The following CSRNP3 variants were observed in gnomAD, a reference collection of about 807,000 sequenced individuals.
CSRNP3 encodes the protein cysteine/serine-rich nuclear protein 3.
Under a neutral mutation model 48.0 loss-of-function variants are expected in CSRNP3, and 12 were observed. The observed-to-expected ratio is 0.25, with a 90% CI of 0.16 to 0.41. The LOEUF (loss-of-function observed/expected upper bound fraction) is 0.41. Ranked by LOEUF, CSRNP3 falls within the 10% of genes least tolerant of loss-of-function variation. The pLI, the probability that CSRNP3 is intolerant of heterozygous loss-of-function variation, is 1.00. For missense variants in CSRNP3, 580 were observed against 724.4 expected (o/e 0.80, Z 2.29); for synonymous variants, 263 against 269.7 (o/e 0.98, Z 0.24).
At chr2:165,660,023 G>A (rs1687070080) in intron 5 of CSRNP3, among the ~76,000 whole-genome samples, 1 of 152,146 alleles carries the variant, frequency 6.6e-6, no homozygotes, top group Admixed American at 6.5e-5. Context: ...AGTTTTGTCA[G>A]TAGCAATCCT....
At chr2:165,567,817 G>A (rs1487604689) in intron 3 of CSRNP3, among the ~76,000 whole-genome samples, 1 of 151,910 alleles carries the variant, frequency 6.6e-6, no homozygotes, top group Admixed American at 6.6e-5. Flanking sequence ...TTATTTAAGG[G>A]AGGTCCTGTT....
rs1217964083 is a variant in CSRNP3, at chr2:165,665,986, G to GAA, written c.408+7967_408+7968insAA. 8.3e-4 allele frequency among the ~76,000 whole-genome samples: 34 copies of GAA among 40,818 alleles called. 2 individuals are homozygous for GAA. The highest frequency in any genetic ancestry group is 2.4e-3 in the African/African-American group (29 of 11,902). The allele number at this position is 40,818 out of a possible 152,430, so 26.8% of individuals were successfully genotyped here. On this transcript the variant is annotated intron_variant, in intron 5 of 6. Transcript: ENST00000651982. ...AAAGAGAGAGGGGAAGAAAGAAAGA[G>GAA]AGAAAGGAAGGAAGGATAGAGAGGA...
chr2:165,514,381 G>T (rs761636801), intron 2 of CSRNP3, among the ~76,000 whole-genome samples: 3 of 152,226 alleles, frequency 2.0e-5, no homozygotes, highest in Non-Finnish European at 2.9e-5. Context: ...ATGTGCCCAG[G>T]GGGGCCTGCA....
intron 3 of CSRNP3, among the ~76,000 whole-genome samples, chr2:165,522,832 A>G (rs1684681144): frequency 6.6e-6 from 1 of 152,084 alleles, no homozygotes; most frequent in African/African-American, 2.4e-5. Context: ...ACATGCAGCC[A>G]TGAACCCGAG....
chr2:165,571,006 T>C (rs1285688380), intron 3 of CSRNP3, among the ~76,000 whole-genome samples: 1 of 151,992 alleles, frequency 6.6e-6, no homozygotes, highest in African/African-American at 2.4e-5. Context: ...TTACCTATTC[T>C]GGTTTTAAAT....
intron 3 of CSRNP3, among the ~76,000 whole-genome samples, chr2:165,587,274 C>T (rs1685647941): frequency 6.6e-6 from 1 of 152,096 alleles, no homozygotes; most frequent in African/African-American, 2.4e-5. Flanking sequence ...AGTGTGGGTG[C>T]AGGGAAAGGG....
intron 2 of CSRNP3, among the ~76,000 whole-genome samples, chr2:165,511,529 A>G (rs1684505700): frequency 6.6e-6 from 1 of 152,186 alleles, no homozygotes; most frequent in Non-Finnish European, 1.5e-5. Context: ...ATGTTTCTTC[A>G]TCATAACATG....
Position 165,686,765 on chromosome 2 carries a change from G to C in CSRNP3, c.*7012G>C, listed in dbSNP as rs2105372705. The stretch of plus-strand genomic sequence containing the variant: ...TGCCATGGGTTACCATCTGAACCCT[G>C]ATTCATTAGGCACTAGTCATGCCAA... On this transcript the variant is annotated 3_prime_UTR_variant, in exon 7 of 7. Transcript: ENST00000651982. 6.6e-6 allele frequency: 1 copy of C among 152,186 alleles called. No homozygotes were observed. Among genetic ancestry groups the C allele is most frequent in the Non-Finnish European group, 1.5e-5 (1 of 67,982 alleles). The allele number at this position is 152,186 out of a possible 1,614,324, so 9.4% of individuals were successfully genotyped here. A position where few individuals can be genotyped will look rare whatever the true frequency, so the allele number is the denominator to read the frequency against.
intron 4 of CSRNP3, among the ~76,000 whole-genome samples, chr2:165,633,482 T>G (rs1188983117): frequency 6.6e-6 from 1 of 152,248 alleles, no homozygotes; most frequent in East Asian, 1.9e-4. Flanking sequence ...CAATTTCTTC[T>G]GAAAATCGCA....
chr2:165,680,102 G>A lies in CSRNP3; in HGVS notation c.*349G>A, dbSNP rs1471864531. On this transcript the variant is annotated 3_prime_UTR_variant, in exon 7 of 7. Coordinates refer to ENST00000651982, the MANE Select transcript of CSRNP3 (RefSeq NM_001172173.2). ...GGGCCTGTGCAAGATTGTTAACTAA[G>A]GCTGGGAAATAATAAGATTTAGAGT... 1 of 200,510 alleles carries A rather than the reference G, an allele frequency of 5.0e-6. No homozygotes were observed. The highest frequency in any genetic ancestry group is 1.0e-5 in the Non-Finnish European group (1 of 100,290). 12.4% of individuals were successfully genotyped at this position (200,510 alleles called of 1,614,324 possible).
chr2:165,518,830 G>A (rs1023480683), intron 3 of CSRNP3, among the ~76,000 whole-genome samples: 3 of 151,954 alleles, frequency 2.0e-5, no homozygotes, highest in Admixed American at 6.6e-5. Context: ...CTTAGCATAT[G>A]CAAAGCAATG....
chr2:165,684,672 A>G lies in CSRNP3; in HGVS notation c.*4919A>G, dbSNP rs1200328656. The G allele has an allele frequency of 1.3e-5, 2 of 152,128 alleles. No individual in the cohort carries two copies. Among genetic ancestry groups the G allele is most frequent in the Non-Finnish European group, 2.9e-5 (2 of 68,006 alleles). The allele number at this position is 152,128 out of a possible 1,614,324, so 9.4% of individuals were successfully genotyped here. A position where few individuals can be genotyped will look rare whatever the true frequency, so the allele number is the denominator to read the frequency against. On this transcript the variant is annotated 3_prime_UTR_variant, in exon 7 of 7. Transcript: ENST00000651982. ...AAAAATGCCTAAGCCAAAATGCTGT[A>G]GCTCTGCACCAACAGCACAGCTCAT...
chr2:165,501,818 C>G (rs1256031948), intron 2 of CSRNP3, among the ~76,000 whole-genome samples: 1 of 151,888 alleles, frequency 6.6e-6, no homozygotes, highest in East Asian at 1.9e-4. Context: ...TTCAACAGGT[C>G]CAGATTTATT....
intron 3 of CSRNP3, among the ~76,000 whole-genome samples, chr2:165,579,850 C>T (rs10930172): frequency 0.32 from 48,375 of 150,614 alleles, 7,975 homozygotes; most frequent in Admixed American, 0.43. Context: ...AGTAGCATAC[C>T]TAGAAGTGCT....
intron 5 of CSRNP3, 39 bp from the exon 6 acceptor site, chr2:165,676,273 C>A: frequency 6.5e-7 from 1 of 1,542,794 alleles, no homozygotes; most frequent in Non-Finnish European, 8.9e-7. Context: ...TTGTACCCTG[C>A]CCTTAATGAG....
At chr2:165,613,776 G>A (rs181066596) in intron 4 of CSRNP3, among the ~76,000 whole-genome samples, 58 of 152,260 alleles carry the variant, frequency 3.8e-4, no homozygotes, top group Middle Eastern at 3.4e-3. Flanking sequence ...TTTGATGCCA[G>A]TACCACACTA....
intron 1 of CSRNP3, among the ~76,000 whole-genome samples, chr2:165,487,882 A>G (rs937501139): frequency 1.4e-5 from 2 of 144,000 alleles, no homozygotes; most frequent in African/African-American, 5.3e-5. Context: ...AAGAAACTGC[A>G]TCAACTAATG....
chr2:165,530,084 G>A (rs1684791409), intron 3 of CSRNP3, among the ~76,000 whole-genome samples: 1 of 152,144 alleles, frequency 6.6e-6, no homozygotes, highest in Non-Finnish European at 1.5e-5. Flanking sequence ...CATTGTCATA[G>A]ACTAGAAGAT....
intron 2 of CSRNP3, among the ~76,000 whole-genome samples, chr2:165,499,692 T>G (rs1381673587): frequency 6.6e-6 from 1 of 152,092 alleles, no homozygotes. Flanking sequence ...AGCATAGTTT[T>G]TAAATGTAAG....
Sources: allele counts gnomAD v4.1 joint callset (sites outside exome capture counted in the v4.1 genomes callset), GRCh38; gene constraint gnomAD v4.1.1; transcripts MANE v1.5; gene names NCBI Gene and HGNC (gene_info 2026-07-23, HGNC 2026-07-21).